Variants in SEMA3E observed in about 807,000 individuals in gnomAD.
SEMA3E encodes semaphorin-3E.
Under a neutral mutation model 93.6 loss-of-function variants are expected in SEMA3E, and 49 were observed. That is an observed-to-expected ratio of 0.52 (90% confidence interval 0.42 to 0.66). SEMA3E has a LOEUF of 0.66. Ranked by LOEUF, SEMA3E falls within the 30% of genes least tolerant of loss-of-function variation. The probability of loss-of-function intolerance (pLI) is 0.00; values close to 1 mark genes in which losing one functional copy is unlikely to be tolerated. For synonymous variants in SEMA3E, 363 were observed against 330.7 expected, an observed-to-expected ratio of 1.10 and a Z score of -1.06; for missense variants, 906 against 964.8, an observed-to-expected ratio of 0.94 and a Z score of 0.81.
chr7:83,435,164 C>A (rs1177410639), intron 4 of SEMA3E, among the ~76,000 whole-genome samples: 2 of 152,174 alleles, frequency 1.3e-5, no homozygotes, highest in African/African-American at 2.4e-5. Flanking sequence ...ATTGAGGATG[C>A]CACTTTTGTT....
intron 1 of SEMA3E, among the ~76,000 whole-genome samples, chr7:83,586,483 T>A (rs1322071239): frequency 6.6e-6 from 1 of 151,918 alleles, no homozygotes; most frequent in Non-Finnish European, 1.5e-5. Flanking sequence ...ATAGCTTTCA[T>A]CAGATCTCAG....
At chr7:83,539,855 C>CTCTGTGTGTG (rs551859742) in intron 1 of SEMA3E, among the ~76,000 whole-genome samples, 1 of 122,696 alleles carries the variant, frequency 8.2e-6, no homozygotes, top group Non-Finnish European at 1.7e-5. Flanking sequence ...TTTGTTGTTT[C>CTCTGTGTGTG]TGTGTGTGTG....
At chr7:83,605,474 A>G (rs1793095293) in intron 1 of SEMA3E, among the ~76,000 whole-genome samples, 1 of 149,620 alleles carries the variant, frequency 6.7e-6, no homozygotes, top group Admixed American at 6.7e-5. Context: ...TCTGTTGCCC[A>G]GGCTGGAGCA....
At chr7:83,443,108 A>C (rs753047414) in intron 4 of SEMA3E, among the ~76,000 whole-genome samples, 5 of 152,192 alleles carry the variant, frequency 3.3e-5, no homozygotes, top group Non-Finnish European at 5.9e-5. Context: ...AATAGAATAA[A>C]GCTGACACAG....
chr7:83,489,400 T>TA (rs5885359), intron 2 of SEMA3E, among the ~76,000 whole-genome samples: 18,102 of 149,128 alleles, frequency 0.12, 1,332 homozygotes, highest in South Asian at 0.25. Flanking sequence ...TTGTCATAAT[T>TA]AAAAAAAAAA....
At chr7:83,559,672 A>C (rs1340237592) in intron 1 of SEMA3E, among the ~76,000 whole-genome samples, 1 of 152,072 alleles carries the variant, frequency 6.6e-6, no homozygotes, top group Admixed American at 6.6e-5. Flanking sequence ...AGTTCCTTAC[A>C]AAACTAAACA....
Position 83,366,132 on chromosome 7 carries a change from AAAT to A in SEMA3E, c.*1451_*1453del, listed in dbSNP as rs1794663218. On this transcript the variant is annotated 3_prime_UTR_variant, in exon 17 of 17. Transcript: ENST00000643230. ...CAAGTGATTATGAGCACTTTAACTTAAATGTATAACCTATAAGCTAACTTTGAA... is the reference window on the plus strand; with the variant it reads ...CAAGTGATTATGAGCACTTTAACTTAGTATAACCTATAAGCTAACTTTGAA... 6.6e-6 allele frequency: 1 copy of A among 152,116 alleles called. No individual in the cohort carries two copies. Among genetic ancestry groups the A allele is most frequent in the African/African-American group, 2.4e-5 (1 of 41,454 alleles). 9.4% of individuals were successfully genotyped at this position (152,116 alleles called of 1,614,324 possible).
At chr7:83,470,349 A>G (rs1242666762) in intron 2 of SEMA3E, among the ~76,000 whole-genome samples, 1 of 77,158 alleles carries the variant, frequency 1.3e-5, no homozygotes, top group African/African-American at 3.1e-5. Flanking sequence ...TTACTTTATC[A>G]CTTTCTTTCC....
chr7:83,421,643 A>T (rs1457150491), intron 4 of SEMA3E, among the ~76,000 whole-genome samples: 1 of 142,614 alleles, frequency 7.0e-6, no homozygotes, highest in Non-Finnish European at 1.6e-5. Context: ...CAATCTTGAA[A>T]GTCCAGAGTA....
In SEMA3E at chr7:83,648,599, T is replaced by G; in HGVS notation, c.-57A>C. 1 of 1,293,074 alleles carries G rather than the reference T, an allele frequency of 7.7e-7. No individual in the cohort carries two copies. Among genetic ancestry groups the G allele is most frequent in the Middle Eastern group, 2.0e-4 (1 of 5,040 alleles). 80.1% of individuals were successfully genotyped at this position (1,293,074 alleles called of 1,614,324 possible). ...CTCACTTTAAGGAGGGTCTGAGTTT[T>G]ACTTAGGACTTCCCTCCAGGGGCAG... On this transcript the variant is annotated 5_prime_UTR_variant, in exon 1 of 17. The change abolishes the stop of an existing upstream ORF in the 5' untranslated region. Transcript: ENST00000643230.
intron 4 of SEMA3E, among the ~76,000 whole-genome samples, chr7:83,451,080 T>C (rs987605647): frequency 1.1e-4 from 16 of 152,134 alleles, no homozygotes; most frequent in Admixed American, 1.0e-3. Flanking sequence ...GATGACATCA[T>C]AAGGGGCTCT....
intron 2 of SEMA3E, among the ~76,000 whole-genome samples, chr7:83,486,806 T>G (rs1008676761): frequency 1.4e-4 from 22 of 152,054 alleles, no homozygotes; most frequent in African/African-American, 5.3e-4. Context: ...GAGAGGAGTC[T>G]TTGCAATTTT....
chr7:83,531,808 T>C (rs138105879), intron 1 of SEMA3E, among the ~76,000 whole-genome samples: 1 of 152,334 alleles, frequency 6.6e-6, no homozygotes, highest in East Asian at 1.9e-4. Context: ...TTTACTTAAA[T>C]AGTTCACTTC....
Position 83,466,702 on chromosome 7 carries a change from C to T in SEMA3E, c.337-101G>A, listed in dbSNP as rs1331204421. 2.2e-5 allele frequency: 32 copies of T among 1,449,412 alleles called. 1 individual carries two copies. The highest frequency in any genetic ancestry group is 1.7e-4 in the Middle Eastern group (1 of 5,798). The allele number at this position is 1,449,412 out of a possible 1,614,324, so 89.8% of individuals were successfully genotyped here. On this transcript the variant is annotated intron_variant, in intron 3 of 16. Transcript: ENST00000643230. ...TAGCCCTAGAAAGCTCATGTTTTAC[C>T]GTAAATCTCTGTTGGGTGAAGGAGG...
intron 4 of SEMA3E, among the ~76,000 whole-genome samples, chr7:83,452,892 C>T (rs1379688266): frequency 6.6e-6 from 1 of 152,118 alleles, no homozygotes; most frequent in East Asian, 1.9e-4. Flanking sequence ...CTATTAGCTG[C>T]ACTGAAAAGT....
intron 4 of SEMA3E, among the ~76,000 whole-genome samples, chr7:83,419,309 T>G (rs1788626327): frequency 6.6e-6 from 1 of 152,288 alleles, no homozygotes; most frequent in South Asian, 2.1e-4. Flanking sequence ...TAATGAGCAC[T>G]TAGGTTGAAT....
rs1324576607 is a variant in SEMA3E at position 83,593,284 on chromosome 7, C to CTCTG, written c.115+55143_115+55144insCAGA. Among the ~76,000 whole-genome samples the CTCTG allele has an allele frequency of 5.6e-3, 650 of 116,656 alleles. 3 individuals carry two copies. Among genetic ancestry groups the CTCTG allele is most frequent in the Non-Finnish European group, 8.8e-3 (487 of 55,430 alleles). 76.5% of individuals were successfully genotyped at this position (116,656 alleles called of 152,430 possible). A position where few individuals can be genotyped will look rare whatever the true frequency, so the allele number is the denominator to read the frequency against. ...TGTCTCTCTCTCTCTCTCTCTCTCTCTGTGTGTGTGTGTGTGTGTGTGTGT... is the reference window on the plus strand; with the variant it reads ...TGTCTCTCTCTCTCTCTCTCTCTCTCTCTGTGTGTGTGTGTGTGTGTGTGTGTGT... On this transcript the variant is annotated intron_variant, in intron 1 of 16. Transcript: ENST00000643230.
In SEMA3E at chr7:83,367,672, T is replaced by C. The variant is rs774522717; in HGVS notation, c.2242A>G (p.Lys748Glu). Residue 748 changes from lysine to glutamate, a missense_variant, in exon 17 of 17, where the codon AAG (lysine) becomes GAG (glutamate). Lys to Glu is a moderately conservative substitution (Grantham distance 56, BLOSUM62 1). Coordinates refer to ENST00000643230, the MANE Select transcript of SEMA3E (RefSeq NM_012431.3). ...TCCTGAGGGTTGGCATACTTCCACT[T>C]GGAGGGTGACATTTTAAGCTTTTTC... Reference protein sequence around the residue: ...KRKKLKMSPSKWKYANPQEKK... With the variant: ...KRKKLKMSPSEWKYANPQEKK... 4.3e-6 allele frequency: 7 copies of C among 1,614,036 alleles called. No individual in the cohort carries two copies. The South Asian group carries it at 6.6e-5, about 15-fold the overall frequency.
At chr7:83,585,095 T>G (rs1246490518) in intron 1 of SEMA3E, among the ~76,000 whole-genome samples, 1 of 152,118 alleles carries the variant, frequency 6.6e-6, no homozygotes, top group Non-Finnish European at 1.5e-5. Context: ...TATTTGCATG[T>G]GCTGTTCCCT....
Sources: gnomAD v4.1 joint callset for allele counts (sites outside exome capture counted in the v4.1 genomes callset) on GRCh38, gnomAD v4.1.1 for gene constraint, MANE v1.5 for transcripts, NCBI Gene and HGNC (gene_info 2026-07-23, HGNC 2026-07-21) for gene names.